API5: variants seen among roughly 807,000 people sequenced by gnomAD.
The protein encoded by API5 is apoptosis inhibitor 5.
A neutral mutation model predicts 71.9 loss-of-function variants in API5; 6 were observed. That is an observed-to-expected ratio of 0.08 (90% CI 0.05 to 0.16). API5 has a LOEUF of 0.16. API5 is among the 10% of genes least tolerant of loss of function. The probability of loss-of-function intolerance (pLI) is 1.00; values close to 1 mark genes in which losing one functional copy is unlikely to be tolerated. For missense variants in API5, 332 were observed against 612.8 expected, an observed-to-expected ratio of 0.54 and a Z score of 4.84; for synonymous variants, 189 against 221.3, an observed-to-expected ratio of 0.85 and a Z score of 1.30.
Position 43,328,707 on chromosome 11 carries a change from C to G in API5, c.946-5C>G, listed in dbSNP as rs1465770944. The G allele has an allele frequency of 1.2e-6, 2 of 1,612,374 alleles. No individual in the cohort carries two copies. Among genetic ancestry groups the G allele is most frequent in the Non-Finnish European group, 1.7e-6 (2 of 1,178,966 alleles). ...TTGCAAAATCTGTATATTTTTCTCT[C>G]TTAGGAATACATGCCCCTCCCTCCA... On this transcript the variant is annotated splice_polypyrimidine_tract_variant and splice_region_variant and intron_variant, in intron 8 of 13. Coordinates refer to ENST00000531273, the MANE Select transcript of API5 (RefSeq NM_001142930.2).
At chr11:43,335,507 A>C (rs5743254) in intron 12 of API5, among the ~76,000 whole-genome samples, 153 bp downstream of exon 12, 14,668 of 152,212 alleles carry the variant, frequency 0.096, 965 homozygotes, top group Admixed American at 0.23. Flanking sequence ...TCTAATTTCA[A>C]TATTTGTAAA....
At chr11:43,336,865 A>C (rs1590271248) in intron 13 of API5, among the ~76,000 whole-genome samples, 2 of 151,880 alleles carry the variant, frequency 1.3e-5, no homozygotes, top group South Asian at 4.2e-4. Flanking sequence ...AAAATTTGCC[A>C]GGTGTGGTGG....
intron 12 of API5, 84 bp downstream of exon 12, chr11:43,335,438 A>C: frequency 1.3e-6 from 1 of 763,060 alleles, no homozygotes; most frequent in South Asian, 1.6e-5. Flanking sequence ...TGCAATGTTA[A>C]ATGATTCATA....
chr11:43,329,939 T>C, intron 9 of API5, 26 bp from the exon 10 acceptor site: 1 of 1,600,640 alleles, frequency 6.2e-7, no homozygotes, highest in Non-Finnish European at 8.6e-7. Context: ...GATGAATTGC[T>C]AATTAACAAA....
intron 5 of API5, among the ~76,000 whole-genome samples, chr11:43,322,378 G>A (rs1415994731): frequency 2.0e-5 from 3 of 152,086 alleles, no homozygotes; most frequent in Non-Finnish European, 4.4e-5. Context: ...TCGTGGTAGT[G>A]TCCTTAAAAT....
chr11:43,318,005 GT>G (rs373123571), intron 1 of API5, among the ~76,000 whole-genome samples: 8 of 35,402 alleles, frequency 2.3e-4, no homozygotes, highest in African/African-American at 4.6e-4. Context: ...TTGTTTGTTT[GT>G]TTTGTTTTGT....
intron 11 of API5, chr11:43,331,330 C>T (rs1241215134): frequency 6.5e-6 from 1 of 153,628 alleles, no homozygotes; most frequent in Non-Finnish European, 1.4e-5. Context: ...TATACAACCC[C>T]CCTGCCAATG....
chr11:43,322,907 A>C (rs537145875), intron 5 of API5, among the ~76,000 whole-genome samples: 1 of 152,160 alleles, frequency 6.6e-6, no homozygotes, highest in Non-Finnish European at 1.5e-5. Flanking sequence ...TGGTCCATGA[A>C]TAGAAAGATT....
chr11:43,315,717 C>T lies in API5; in HGVS notation c.70-2923C>T, dbSNP rs375578130. Among the ~76,000 whole-genome samples the T allele has an allele frequency of 6.5e-4, 99 of 152,212 alleles. No individual in the cohort carries two copies. In the East Asian group the frequency reaches 7.7e-3, roughly 12 times the overall value. On this transcript the variant is annotated intron_variant, in intron 1 of 13. Coordinates refer to ENST00000531273, the MANE Select transcript of API5 (RefSeq NM_001142930.2). ...GCCATGTTCTGCCTATGCGTTCATC[C>T]TGCCTTTCCCCCACTCTGCCTCTGC...
Position 43,312,098 on chromosome 11 carries a change from C to G in API5, c.-30C>G. 1.9e-6 allele frequency: 3 copies of G among 1,612,284 alleles called. No individual in the cohort carries two copies. Among genetic ancestry groups the G allele is most frequent in the Non-Finnish European group, 2.5e-6 (3 of 1,179,282 alleles). ...GTGGCGCCGGTCAGGACAAGGATAG[C>G]GGAACCGGGCCCTGGGCTTGTCGCT... On this transcript the variant is annotated 5_prime_UTR_variant, in exon 1 of 14. Coordinates refer to ENST00000531273, the MANE Select transcript of API5 (RefSeq NM_001142930.2).
In API5 at chr11:43,328,867, A is replaced by G; in HGVS notation, c.1101A>G (p.Ala367=). 6.2e-7 allele frequency: 1 copy of G among 1,614,142 alleles called. No individual in the cohort carries two copies. Among genetic ancestry groups the G allele is most frequent in the Non-Finnish European group, 8.5e-7 (1 of 1,179,980 alleles). The change falls in exon 9 of 14, where the codon GCA becomes GCG. Residue 367 remains alanine (A), a synonymous_variant. Coordinates refer to ENST00000531273, the MANE Select transcript of API5 (RefSeq NM_001142930.2). ...LPDFLTAKLN[A]EKLKDFKIRL... ...ATTTCTTAACAGCCAAACTGAATGC[A>G]GAAAAGCTCAAAGATTTCAAAATCA...
chr11:43,315,296 G>A (rs563933556), intron 1 of API5, among the ~76,000 whole-genome samples: 10 of 152,176 alleles, frequency 6.6e-5, no homozygotes, highest in East Asian at 5.8e-4. Flanking sequence ...CCCTTGGTAC[G>A]ATGTACTTAC....
intron 13 of API5, among the ~76,000 whole-genome samples, chr11:43,338,289 A>G (rs1357794329): frequency 6.6e-6 from 1 of 152,154 alleles, no homozygotes; most frequent in Non-Finnish European, 1.5e-5. Flanking sequence ...TTACTAACCA[A>G]TGTCTCTGTT....
At chr11:43,339,865 A>G (rs1855556030) in intron 13 of API5, among the ~76,000 whole-genome samples, 1 of 152,224 alleles carries the variant, frequency 6.6e-6, no homozygotes, top group African/African-American at 2.4e-5. Flanking sequence ...GATATTTTTC[A>G]TAGTTATATG....
intron 13 of API5, among the ~76,000 whole-genome samples, chr11:43,341,316 A>T (rs1855604403): frequency 6.6e-6 from 1 of 152,232 alleles, no homozygotes; most frequent in Non-Finnish European, 1.5e-5. Context: ...TCATTAGCCA[A>T]GACATGGAAT....
chr11:43,337,179 A>G (rs1026528947), intron 13 of API5, among the ~76,000 whole-genome samples: 4 of 151,872 alleles, frequency 2.6e-5, no homozygotes, highest in Admixed American at 6.6e-5. Flanking sequence ...TTTAAAAATT[A>G]GTTGGGTATG....
intron 4 of API5, 139 bp downstream of exon 4, chr11:43,321,615 CT>C: frequency 1.5e-6 from 1 of 680,672 alleles, no homozygotes; most frequent in Non-Finnish European, 2.3e-6. Flanking sequence ...AAAAAGTCTC[CT>C]TAGGTCAAGA....
intron 1 of API5, among the ~76,000 whole-genome samples, chr11:43,318,198 G>A (rs188147383): frequency 1.3e-5 from 2 of 151,248 alleles, no homozygotes; most frequent in Admixed American, 6.6e-5. Flanking sequence ...TAGTAGAGAC[G>A]GGGTTTAACC....
chr11:43,336,844 TA>T (rs1390230644), intron 13 of API5, among the ~76,000 whole-genome samples: 40 of 151,656 alleles, frequency 2.6e-4, no homozygotes, highest in African/African-American at 9.7e-4. Flanking sequence ...CCGTCTCTAC[TA>T]AAAATACCAA....
Sources: allele counts gnomAD v4.1 joint callset (sites outside exome capture counted in the v4.1 genomes callset), GRCh38; gene constraint gnomAD v4.1.1; transcripts MANE v1.5; gene names NCBI Gene and HGNC (gene_info 2026-07-23, HGNC 2026-07-21).